The following WWOX variants were observed in gnomAD, a reference collection of about 807,000 sequenced individuals.
The protein encoded by WWOX is WW domain-containing oxidoreductase.
Under a neutral mutation model 46.2 loss-of-function variants are expected in WWOX, and 69 were observed. The observed-to-expected ratio is 1.49, with a 90% CI of 1.23 to 1.82. The LOEUF (loss-of-function observed/expected upper bound fraction) is 1.82, where lower values mean the gene tolerates loss of function less well. WWOX is among the 40% of genes most tolerant of loss of function. The probability of loss-of-function intolerance (pLI) is 0.00; values close to 1 mark genes in which losing one functional copy is unlikely to be tolerated. For synonymous variants in WWOX, 359 were observed against 202.6 expected (o/e 1.77, Z -6.56); for missense variants, 919 against 542.6 (o/e 1.69, Z -6.89).
intron 8 of WWOX, among the ~76,000 whole-genome samples, chr16:78,824,727 G>T (rs1045469118): frequency 6.6e-6 from 1 of 152,072 alleles, no homozygotes; most frequent in African/African-American, 2.4e-5. Context: ...CGAGGATAGC[G>T]CAGGAAAGAC....
chr16:78,850,908 G>C (rs1248448903), intron 8 of WWOX, among the ~76,000 whole-genome samples: 1 of 152,212 alleles, frequency 6.6e-6, no homozygotes, highest in Non-Finnish European at 1.5e-5. Flanking sequence ...ATCACTTATT[G>C]ATCAGTCATG....
intron 5 of WWOX, among the ~76,000 whole-genome samples, chr16:78,305,885 A>G (rs1344528462): frequency 6.6e-6 from 1 of 152,026 alleles, no homozygotes; most frequent in Non-Finnish European, 1.5e-5. Flanking sequence ...TGGTTGGAAG[A>G]AAGGCTCATT....
intron 8 of WWOX, among the ~76,000 whole-genome samples, chr16:78,802,935 AAAAAAAACAACAAAC>A (rs2050931191): frequency 3.0e-5 from 3 of 100,418 alleles, no homozygotes; most frequent in Admixed American, 9.4e-5. Flanking sequence ...AAAAAAAAAA[AAAAAAAACAACAAAC>A]AGAAAAATGA....
At chr16:78,289,571 G>A (rs1292324990) in intron 5 of WWOX, among the ~76,000 whole-genome samples, 1 of 152,148 alleles carries the variant, frequency 6.6e-6, no homozygotes, top group Non-Finnish European at 1.5e-5. Flanking sequence ...CTGTCCTGCT[G>A]TGACCAGTAA....
At chr16:78,577,040 C>T (rs1052218855) in intron 8 of WWOX, among the ~76,000 whole-genome samples, 1 of 152,182 alleles carries the variant, frequency 6.6e-6, no homozygotes, top group East Asian at 1.9e-4. Context: ...TAGGTAGCCC[C>T]ATTTCACCCA....
intron 8 of WWOX, among the ~76,000 whole-genome samples, chr16:78,468,637 A>G (rs1404101529): frequency 6.6e-6 from 1 of 152,108 alleles, no homozygotes; most frequent in Non-Finnish European, 1.5e-5. Context: ...TACACATCCC[A>G]TGTCTGATTT....
chr16:78,416,588 G>T (rs763105213), intron 6 of WWOX, among the ~76,000 whole-genome samples: 10 of 152,208 alleles, frequency 6.6e-5, no homozygotes, highest in Non-Finnish European at 1.5e-4. Flanking sequence ...AAGTTCCTTG[G>T]TTTGCTGAGG....
In WWOX at chr16:79,114,966, A is replaced by C. The variant is rs1021287821; in HGVS notation, c.1057-96642A>C. Among the ~76,000 whole-genome samples the C allele has an allele frequency of 2.0e-5, 3 of 152,214 alleles. No individual in the cohort carries two copies. The South Asian group carries it at 6.2e-4, about 32-fold the overall frequency. ...ATATACATCTCAAGGGCAGTTAGAC[A>C]ATTAGCTCGCCCACAGGAACATTGC... On this transcript the variant is annotated intron_variant, in intron 8 of 8. Transcript: ENST00000566780.
At chr16:79,191,070 G>A (rs562738210) in intron 8 of WWOX, among the ~76,000 whole-genome samples, 15 of 152,196 alleles carry the variant, frequency 9.9e-5, no homozygotes, top group African/African-American at 3.6e-4. Flanking sequence ...TTAAGAGACG[G>A]GGTCTCGCTC....
chr16:78,734,840 C>CATT (rs1567524279), intron 8 of WWOX, among the ~76,000 whole-genome samples: 1 of 61,704 alleles, frequency 1.6e-5, no homozygotes, highest in African/African-American at 4.9e-5. Context: ...GGACTTCAGT[C>CATT]CTTTTTTTTT....
intron 5 of WWOX, among the ~76,000 whole-genome samples, chr16:78,317,282 TC>T (rs1365303838): frequency 1.3e-5 from 2 of 152,134 alleles, no homozygotes; most frequent in Non-Finnish European, 2.9e-5. Context: ...TCTCTCTCTG[TC>T]TGTCTCTCTC....
At position 78,346,520 on chromosome 16, in the gene WWOX, A is replaced by T. The variant is rs112193704; in HGVS notation, c.517-40340A>T. Among the ~76,000 whole-genome samples, 106 of 120,448 alleles carry T rather than the reference A, an allele frequency of 8.8e-4. 24 individuals are homozygous for T. The highest frequency in any genetic ancestry group is 2.9e-3 in the African/African-American group (103 of 35,576). The allele number at this position is 120,448 out of a possible 152,430, so 79.0% of individuals were successfully genotyped here. A position where few individuals can be genotyped will look rare whatever the true frequency, so the allele number is the denominator to read the frequency against. Reference sequence around the variant, plus strand: ...CATCCCATTTTACATTCTTGCCAACAGTGTTTAAGGATCCACTTCCTCTAC... The same window carrying T: ...CATCCCATTTTACATTCTTGCCAACTGTGTTTAAGGATCCACTTCCTCTAC... On this transcript the variant is annotated intron_variant, in intron 5 of 8. Coordinates refer to ENST00000566780, the MANE Select transcript of WWOX (RefSeq NM_016373.4).
chr16:78,992,029 C>G (rs1445096046), intron 8 of WWOX, among the ~76,000 whole-genome samples: 1 of 152,236 alleles, frequency 6.6e-6, no homozygotes, highest in African/African-American at 2.4e-5. Flanking sequence ...CCTCTCCCCA[C>G]TTTCAGGCTC....
intron 5 of WWOX, among the ~76,000 whole-genome samples, chr16:78,373,507 G>A (rs1485102509): frequency 1.3e-5 from 2 of 152,214 alleles, no homozygotes; most frequent in Non-Finnish European, 2.9e-5. Context: ...CCTCAATGCA[G>A]TGTGGGTTAG....
At chr16:78,322,178 C>G (rs1042675494) in intron 5 of WWOX, among the ~76,000 whole-genome samples, 1 of 152,062 alleles carries the variant, frequency 6.6e-6, no homozygotes, top group Non-Finnish European at 1.5e-5. Flanking sequence ...AAGACAAGGA[C>G]AAACAATTCG....
intron 5 of WWOX, among the ~76,000 whole-genome samples, chr16:78,279,312 A>G (rs906223311): frequency 6.6e-6 from 1 of 152,126 alleles, no homozygotes; most frequent in Non-Finnish European, 1.5e-5. Flanking sequence ...GTATTTTGCA[A>G]ATTAAATGAG....
At chr16:78,125,004 A>G (rs2033299580) in intron 4 of WWOX, among the ~76,000 whole-genome samples, 2 of 152,214 alleles carry the variant, frequency 1.3e-5, no homozygotes, top group Non-Finnish European at 2.9e-5. Flanking sequence ...ATAAAGAGGA[A>G]CAAAATCAGA....
At position 78,099,880 on chromosome 16, in the gene WWOX, C is replaced by T. The variant is rs1295198168; in HGVS notation, c.102C>T (p.Tyr34=). The T allele has an allele frequency of 1.3e-6, 2 of 1,565,486 alleles. No individual in the cohort carries two copies. Among genetic ancestry groups the T allele is most frequent in the Middle Eastern group, 1.7e-4 (1 of 5,746 alleles). ...ERTTKDGWVY[Y]ANHTEEKTQW... The stretch of plus-strand genomic sequence containing the variant: ...CCACCAAGGACGGCTGGGTTTACTA[C>T]GCCAAGTAAGGGGGCCGCAGTGGGG... Residue 34 remains tyrosine, a synonymous_variant, in exon 1 of 9, where the codon TAC becomes TAT. Coordinates refer to ENST00000566780, the MANE Select transcript of WWOX (RefSeq NM_016373.4).
intron 8 of WWOX, among the ~76,000 whole-genome samples, chr16:78,817,684 C>T (rs2051374246): frequency 6.6e-6 from 1 of 152,128 alleles, no homozygotes; most frequent in South Asian, 2.1e-4. Flanking sequence ...TGTGTGGTGG[C>T]AAACGGGCCC....
Sources: allele counts gnomAD v4.1 joint callset (sites outside exome capture counted in the v4.1 genomes callset), GRCh38; gene constraint gnomAD v4.1.1; transcripts MANE v1.5; gene names NCBI Gene and HGNC (gene_info 2026-07-23, HGNC 2026-07-21).